Variants in PHF14 observed in about 807,000 individuals in gnomAD.
PHF14 encodes the protein PHD finger protein 14.
PHF14 carries 55 observed loss-of-function variants against 117.9 expected under a neutral mutation model. The observed-to-expected ratio is 0.47, with a 90% CI of 0.38 to 0.58. PHF14 has a LOEUF of 0.58. PHF14 is among the 20% of genes least tolerant of loss of function. The pLI is 0.00. For synonymous variants in PHF14, 409 were observed against 368.6 expected, an observed-to-expected ratio of 1.11 and a Z score of -1.26; for missense variants, 978 against 1,122.2, an observed-to-expected ratio of 0.87 and a Z score of 1.84.
At chr7:11,034,819 G>C (rs796584233) in intron 7 of PHF14, among the ~76,000 whole-genome samples, 18 of 151,958 alleles carry the variant, frequency 1.2e-4, no homozygotes, top group African/African-American at 3.9e-4. Flanking sequence ...AAAGTGCTGG[G>C]ATTACAGGCA....
chr7:11,025,982 C>T (rs1056735862), intron 6 of PHF14, among the ~76,000 whole-genome samples: 3 of 151,110 alleles, frequency 2.0e-5, no homozygotes, highest in Admixed American at 6.6e-5. Context: ...CGTGGTGGCA[C>T]GTGCCTGTAA....
rs112822978 is a variant in PHF14 at position 11,158,704 on chromosome 7, G to T, written c.2773-10712G>T. Among the ~76,000 whole-genome samples, 219 of 152,072 alleles carry T rather than the reference G, an allele frequency of 1.4e-3. 2 individuals are homozygous for T. The highest frequency in any genetic ancestry group is 4.9e-3 in the African/African-American group (204 of 41,518). ...TGGGGATTTAAATAAGATATCTTAG[G>T]ACTCTTTCACCTTTAATATTCTATG... On this transcript the variant is annotated intron_variant, in intron 17 of 17. Coordinates refer to ENST00000634607, the MANE Select transcript of PHF14 (RefSeq NM_001007157.2).
At chr7:10,997,945 G>A (rs553386067) in intron 4 of PHF14, among the ~76,000 whole-genome samples, 1 of 152,188 alleles carries the variant, frequency 6.6e-6, no homozygotes, top group Non-Finnish European at 1.5e-5. Flanking sequence ...CATTCTAAGA[G>A]TGTAAATACC....
At chr7:11,026,929 A>T (rs1783933634) in intron 6 of PHF14, among the ~76,000 whole-genome samples, 1 of 152,124 alleles carries the variant, frequency 6.6e-6, no homozygotes, top group Non-Finnish European at 1.5e-5. Flanking sequence ...GTAAATCATG[A>T]CTGGGACAGC....
At chr7:10,996,546 A>G (rs1782653524) in intron 4 of PHF14, among the ~76,000 whole-genome samples, 1 of 152,158 alleles carries the variant, frequency 6.6e-6, no homozygotes, top group African/African-American at 2.4e-5. Flanking sequence ...CCCTAATTCA[A>G]TGCTGGACTT....
intron 14 of PHF14, 66 bp downstream of exon 14, chr7:11,051,846 A>C: frequency 3.8e-6 from 5 of 1,329,996 alleles, no homozygotes; most frequent in Non-Finnish European, 5.3e-6. Context: ...GAGAGTGAGA[A>C]AGACACAGGG....
intron 4 of PHF14, among the ~76,000 whole-genome samples, chr7:11,004,351 CTTTT>C (rs56235368): frequency 3.1e-5 from 4 of 130,754 alleles, no homozygotes; most frequent in Non-Finnish European, 1.6e-5. Context: ...TTCTTCCAGG[CTTTT>C]TTTTTTTTTT....
rs1334890310 is a variant in PHF14, at chr7:11,109,331, A to G, written c.2655-2019A>G. 3 of 151,968 alleles carry G rather than the reference A, an allele frequency of 2.0e-5. No individual in the cohort carries two copies. In the East Asian group the frequency reaches 5.8e-4, roughly 29 times the overall value. The allele number at this position is 151,968 out of a possible 1,614,324, so 9.4% of individuals were successfully genotyped here. On this transcript the variant is annotated intron_variant, in intron 16 of 17. Coordinates refer to ENST00000634607, the MANE Select transcript of PHF14 (RefSeq NM_001007157.2). ...ACAGCTGACTCCTGGTCCTCATTCCAAGGACAAAAGGCTGACACACTGCTA... is the reference window on the plus strand; with the variant it reads ...ACAGCTGACTCCTGGTCCTCATTCCGAGGACAAAAGGCTGACACACTGCTA...
chr7:11,051,001 GTA>G lies in PHF14; in HGVS notation c.2313-607_2313-606del, dbSNP rs988603310. Among the ~76,000 whole-genome samples, 130 of 152,204 alleles carry G rather than the reference GTA, an allele frequency of 8.5e-4. 1 individual carries two copies. The highest frequency in any genetic ancestry group is 3.1e-3 in the African/African-American group (127 of 41,518). On this transcript the variant is annotated intron_variant, in intron 13 of 17. Coordinates refer to ENST00000634607, the MANE Select transcript of PHF14 (RefSeq NM_001007157.2). ...AGGACTTTGATTTTCAGGTATCACA[GTA>G]TATGTCATTTAAAGAAAAGTCATGC...
At chr7:11,004,246 C>CAAAAAAAAAAAAAAAA (rs55917513) in intron 4 of PHF14, among the ~76,000 whole-genome samples, 12 of 51,274 alleles carry the variant, frequency 2.3e-4, no homozygotes, top group African/African-American at 6.5e-4. Context: ...GACTTTGTCT[C>CAAAAAAAAAAAAAAAA]AAAAAAAAAA....
chr7:11,140,199 C>T lies in PHF14; in HGVS notation c.2772+28732C>T, dbSNP rs968975127. 2.0e-5 allele frequency among the ~76,000 whole-genome samples: 3 copies of T among 152,160 alleles called. No individual in the cohort carries two copies. The South Asian group carries it at 6.2e-4, about 32-fold the overall frequency. On this transcript the variant is annotated intron_variant, in intron 17 of 17. Coordinates refer to ENST00000634607, the MANE Select transcript of PHF14 (RefSeq NM_001007157.2). ...CAACAACTCTACACATACCCATACACACAGCCCTACATAGCCCGTTATACG... is the reference window on the plus strand; with the variant it reads ...CAACAACTCTACACATACCCATACATACAGCCCTACATAGCCCGTTATACG...
chr7:11,132,760 C>A (rs1788123585), intron 17 of PHF14, among the ~76,000 whole-genome samples: 2 of 151,794 alleles, frequency 1.3e-5, no homozygotes. Context: ...CCCTCACCAA[C>A]ATTTGTTATC....
chr7:11,074,726 C>G (rs1184241852), intron 16 of PHF14, among the ~76,000 whole-genome samples: 1 of 152,160 alleles, frequency 6.6e-6, no homozygotes, highest in East Asian at 1.9e-4. Context: ...GACCTTTACT[C>G]CAGTTCCCAA....
chr7:11,057,807 C>G (rs917981124), intron 14 of PHF14, among the ~76,000 whole-genome samples: 1 of 151,904 alleles, frequency 6.6e-6, no homozygotes, highest in Admixed American at 6.6e-5. Flanking sequence ...AAGTTGATCA[C>G]GGACAGATTA....
intron 2 of PHF14, among the ~76,000 whole-genome samples, chr7:10,979,713 T>C (rs978371907): frequency 6.6e-5 from 10 of 152,110 alleles, no homozygotes; most frequent in Admixed American, 2.6e-4. Context: ...TCTCCATTCC[T>C]CCAGTGCATA....
chr7:11,080,892 A>G (rs1047079131), intron 16 of PHF14, among the ~76,000 whole-genome samples: 5 of 152,182 alleles, frequency 3.3e-5, no homozygotes, highest in Admixed American at 6.5e-5. Context: ...ATTGCGCTAC[A>G]ACAGTAATGA....
At chr7:10,988,082 G>A (rs1026188790) in intron 3 of PHF14, among the ~76,000 whole-genome samples, 3 of 150,676 alleles carry the variant, frequency 2.0e-5, no homozygotes, top group African/African-American at 7.3e-5. Context: ...TAAGGAGGAT[G>A]TGTTACTTAG....
intron 17 of PHF14, among the ~76,000 whole-genome samples, chr7:11,157,787 T>C (rs1176601421): frequency 6.6e-6 from 1 of 152,334 alleles, no homozygotes; most frequent in East Asian, 1.9e-4. Flanking sequence ...TACTCATTTA[T>C]AGTGTGGAGT....
At chr7:11,156,540 A>G (rs959568511) in intron 17 of PHF14, among the ~76,000 whole-genome samples, 34 of 148,066 alleles carry the variant, frequency 2.3e-4, no homozygotes, top group Non-Finnish European at 4.0e-4. Context: ...CATGCCTGTA[A>G]TCTCAGCACT....
Sources: allele counts gnomAD v4.1 joint callset (sites outside exome capture counted in the v4.1 genomes callset), GRCh38; gene constraint gnomAD v4.1.1; transcripts MANE v1.5; gene names NCBI Gene and HGNC (gene_info 2026-07-23, HGNC 2026-07-21).